The following PDE4B variants were observed in gnomAD, a reference collection of about 807,000 sequenced individuals.
PDE4B encodes 3',5'-cyclic-AMP phosphodiesterase 4B.
Under a neutral mutation model 82.2 loss-of-function variants are expected in PDE4B, and 20 were observed. The observed-to-expected ratio is 0.24, with a 90% CI of 0.17 to 0.35. The LOEUF (loss-of-function observed/expected upper bound fraction) is 0.35. Ranked by LOEUF, PDE4B falls within the 10% of genes least tolerant of loss-of-function variation. The pLI, the probability that PDE4B is intolerant of heterozygous loss-of-function variation, is 1.00. For missense variants in PDE4B, 655 were observed against 907.2 expected, an observed-to-expected ratio of 0.72 and a Z score of 3.57; for synonymous variants, 320 against 318.9, an observed-to-expected ratio of 1.00 and a Z score of -0.04.
At chr1:66,113,714 A>G (rs1645535610) in intron 3 of PDE4B, among the ~76,000 whole-genome samples, 1 of 152,250 alleles carries the variant, frequency 6.6e-6, no homozygotes, top group Admixed American at 6.5e-5. Flanking sequence ...TTTACTTTAT[A>G]TACTATCAAT....
chr1:66,026,402 G>A (rs1309084828), intron 3 of PDE4B, among the ~76,000 whole-genome samples: 6 of 152,200 alleles, frequency 3.9e-5, no homozygotes, highest in Non-Finnish European at 8.8e-5. Context: ...CTAATTAGGT[G>A]AGGCTGTATC....
chr1:65,853,031 G>T (rs1469748883), intron 1 of PDE4B, among the ~76,000 whole-genome samples: 1 of 151,884 alleles, frequency 6.6e-6, no homozygotes, highest in African/African-American at 2.4e-5. Context: ...TTTCAGTTCT[G>T]CCAGTTTTTG....
intron 1 of PDE4B, among the ~76,000 whole-genome samples, chr1:65,884,648 G>T (rs1471345612): frequency 6.6e-6 from 1 of 152,124 alleles, no homozygotes; most frequent in Non-Finnish European, 1.5e-5. Flanking sequence ...GGGAAAACTG[G>T]CTAGCCATAT....
intron 3 of PDE4B, among the ~76,000 whole-genome samples, chr1:66,214,037 T>A (rs1467654917): frequency 6.6e-6 from 1 of 152,178 alleles, no homozygotes. Flanking sequence ...AATATTTTTG[T>A]ATCAAAAAGA....
chr1:66,235,764 T>A (rs943327292), intron 3 of PDE4B, among the ~76,000 whole-genome samples: 18 of 152,056 alleles, frequency 1.2e-4, no homozygotes, highest in African/African-American at 4.3e-4. Flanking sequence ...TCTTATCCAT[T>A]CTGTTGAAAA....
rs145628552 is a variant in PDE4B at position 66,336,549 on chromosome 1, A to G, written c.747+3929A>G. ...CCCTCCACTGTCCTTTTCATTCTCC[A>G]TTGGTTTGGCTCTGGGGCTGTTTTA... On this transcript the variant is annotated intron_variant, in intron 8 of 16. Coordinates refer to ENST00000341517, the MANE Select transcript of PDE4B (RefSeq NM_002600.4). Among the ~76,000 whole-genome samples, 1,481 of 152,162 alleles carry G rather than the reference A, an allele frequency of 9.7e-3. 22 individuals carry two copies. Among genetic ancestry groups the G allele is most frequent in the African/African-American group, 0.035 (1,437 of 41,496 alleles).
At chr1:66,145,853 C>T (rs1328674447) in intron 3 of PDE4B, among the ~76,000 whole-genome samples, 1 of 152,124 alleles carries the variant, frequency 6.6e-6, no homozygotes, top group East Asian at 1.9e-4. Context: ...GTGTTTTTCT[C>T]CTAATTATTT....
chr1:66,184,988 C>A (rs547858657), intron 3 of PDE4B, among the ~76,000 whole-genome samples: 5 of 152,220 alleles, frequency 3.3e-5, no homozygotes, highest in East Asian at 1.9e-4. Flanking sequence ...ATCCCTCCCC[C>A]CTCCTCCCAC....
At chr1:66,232,636 G>A (rs1167810644) in intron 3 of PDE4B, among the ~76,000 whole-genome samples, 1 of 152,126 alleles carries the variant, frequency 6.6e-6, no homozygotes, top group Non-Finnish European at 1.5e-5. Context: ...AAAGACCTAG[G>A]AAGCCAAGAA....
At chr1:66,087,914 T>C (rs1360689431) in intron 3 of PDE4B, among the ~76,000 whole-genome samples, 1 of 150,930 alleles carries the variant, frequency 6.6e-6, no homozygotes, top group African/African-American at 2.4e-5. Context: ...ATATACCTAA[T>C]GCTAGATGAC....
chr1:66,053,580 G>A (rs1655149543), intron 3 of PDE4B, among the ~76,000 whole-genome samples: 1 of 152,166 alleles, frequency 6.6e-6, no homozygotes, highest in Non-Finnish European at 1.5e-5. Flanking sequence ...AATGGGGGCT[G>A]GGCGCAGTGG....
At chr1:66,310,123 T>C (rs938959556) in intron 7 of PDE4B, among the ~76,000 whole-genome samples, 1 of 152,160 alleles carries the variant, frequency 6.6e-6, no homozygotes, top group East Asian at 1.9e-4. Context: ...TCTTCTCTGC[T>C]CCCAGATTCT....
chr1:66,326,509 G>T (rs1186717891), intron 7 of PDE4B, among the ~76,000 whole-genome samples: 2 of 152,082 alleles, frequency 1.3e-5, no homozygotes, highest in Admixed American at 6.5e-5. Flanking sequence ...GGTTTCCTTT[G>T]TTCCACATTT....
intron 4 of PDE4B, among the ~76,000 whole-genome samples, chr1:66,252,419 A>G (rs1298739728): frequency 6.6e-6 from 1 of 152,210 alleles, no homozygotes; most frequent in African/African-American, 2.4e-5. Flanking sequence ...AATGCATTTA[A>G]CACACCTAAC....
At chr1:66,337,950 T>C (rs1049421619) in intron 8 of PDE4B, among the ~76,000 whole-genome samples, 12 of 152,232 alleles carry the variant, frequency 7.9e-5, no homozygotes, top group African/African-American at 2.7e-4. Flanking sequence ...TATAGTAATA[T>C]AGACAATAAA....
chr1:66,004,986 T>C (rs72667423), intron 3 of PDE4B, among the ~76,000 whole-genome samples: 1,897 of 152,146 alleles, frequency 0.012, 24 homozygotes, highest in Non-Finnish European at 0.017. Context: ...CATTTACAAA[T>C]ATTAATTAGT....
At chr1:66,366,932 A>G (rs937808426) in intron 13 of PDE4B, among the ~76,000 whole-genome samples, 1 of 152,232 alleles carries the variant, frequency 6.6e-6, no homozygotes, top group African/African-American at 2.4e-5. Flanking sequence ...GTAACACATT[A>G]CCACCACTTG....
rs562619525 is a variant in PDE4B, at chr1:66,046,121, TA to T, written c.281+127287del. 35 of 151,882 alleles carry T rather than the reference TA, an allele frequency of 2.3e-4. No homozygotes were observed. The East Asian group carries it at 5.6e-3, about 24-fold the overall frequency. The allele number at this position is 151,882 out of a possible 1,614,324, so 9.4% of individuals were successfully genotyped here. On this transcript the variant is annotated intron_variant, in intron 3 of 16. Coordinates refer to ENST00000341517, the MANE Select transcript of PDE4B (RefSeq NM_002600.4). ...AGTGATTGTTGTCATCTGAGCTGGATAGGATGAAGCTTTAGATTGGGTCCAT... is the reference window on the plus strand; with the variant it reads ...AGTGATTGTTGTCATCTGAGCTGGATGGATGAAGCTTTAGATTGGGTCCAT...
chr1:66,006,837 G>A (rs144125957), intron 3 of PDE4B, among the ~76,000 whole-genome samples: 117 of 152,114 alleles, frequency 7.7e-4, no homozygotes, highest in African/African-American at 1.8e-3. Context: ...TAAGTTTCCC[G>A]AGGCCTCCTC....
Sources: gnomAD v4.1 joint callset for allele counts (sites outside exome capture counted in the v4.1 genomes callset) on GRCh38, gnomAD v4.1.1 for gene constraint, MANE v1.5 for transcripts, NCBI Gene and HGNC (gene_info 2026-07-23, HGNC 2026-07-21) for gene names.